The following UBAP2L variants were observed in gnomAD, a reference collection of about 807,000 sequenced individuals.
UBAP2L encodes ubiquitin associated protein 2 like, also known as ubiquitin-associated protein 2-like.
UBAP2L carries 12 observed loss-of-function variants against 130.6 expected under a neutral mutation model. The ratio of observed to expected loss-of-function variants is 0.09; its 90% confidence interval spans 0.06 to 0.15. UBAP2L has a LOEUF of 0.15. UBAP2L is among the 10% of genes least tolerant of loss of function. UBAP2L has a pLI of 1.00. For synonymous variants in UBAP2L, 503 were observed against 524.7 expected (o/e 0.96, Z 0.57); for missense variants, 965 against 1,332.5 (o/e 0.72, Z 4.29).
intron 8 of UBAP2L, among the ~76,000 whole-genome samples, chr1:154,237,740 G>A (rs1672142192): frequency 6.6e-6 from 1 of 152,168 alleles, no homozygotes; most frequent in African/African-American, 2.4e-5. Context: ...CTGTTGAACA[G>A]CCTTCTTGGT....
At chr1:154,247,747 A>G (rs1038248013) in intron 11 of UBAP2L, among the ~76,000 whole-genome samples, 1 of 151,560 alleles carries the variant, frequency 6.6e-6, no homozygotes, top group African/African-American at 2.4e-5. Flanking sequence ...AATTTTTTTT[A>G]AATAAAAATG....
intron 2 of UBAP2L, 85 bp from the exon 3 acceptor site, chr1:154,227,197 G>A: frequency 8.8e-7 from 1 of 1,130,548 alleles, no homozygotes; most frequent in Non-Finnish European, 1.3e-6. Flanking sequence ...AGAAAATTGG[G>A]GCAGTGGAGG....
intron 14 of UBAP2L, among the ~76,000 whole-genome samples, chr1:154,253,623 C>T (rs560952297): frequency 1.3e-5 from 2 of 150,904 alleles, no homozygotes; most frequent in Admixed American, 6.6e-5. Context: ...CCGCCCGCCT[C>T]GACCTTCCAA....
intron 7 of UBAP2L, 88 bp from the exon 8 acceptor site, chr1:154,236,936 A>G: frequency 1.0e-6 from 1 of 980,572 alleles, no homozygotes; most frequent in Non-Finnish European, 1.6e-6. Flanking sequence ...TTGTACTAGG[A>G]AGGATGCAGT....
At position 154,227,369 on chromosome 1, in the gene UBAP2L, TCA is replaced by T; in HGVS notation, c.168+12_168+13del. ...GGAGAAGGTGAAACAAGTGAGTGTA[TCA>T]CTAATTTACTGTACACTATGAGAAA... On this transcript the variant is annotated intron_variant, in intron 3 of 26. Transcript: ENST00000428931. The T allele has an allele frequency of 6.2e-7, 1 of 1,607,512 alleles. No homozygotes were observed. The highest frequency in any genetic ancestry group is 8.5e-7 in the Non-Finnish European group (1 of 1,174,368).
chr1:154,249,586 A>C, intron 12 of UBAP2L, 149 bp downstream of exon 12: 2 of 882,180 alleles, frequency 2.3e-6, no homozygotes, highest in Non-Finnish European at 3.4e-6. Flanking sequence ...CCCCTAATCA[A>C]ATAAGCTGAA....
chr1:154,261,817 A>T (rs371705974), intron 24 of UBAP2L, 120 bp downstream of exon 24: 2 of 935,770 alleles, frequency 2.1e-6, no homozygotes. Context: ...TGCCCCAGGT[A>T]TGATTGTTAA....
chr1:154,261,822 T>C (rs1681643420), intron 24 of UBAP2L, 125 bp downstream of exon 24: 2 of 905,276 alleles, frequency 2.2e-6, no homozygotes, highest in Admixed American at 2.4e-5. Flanking sequence ...CAGGTATGAT[T>C]GTTAATGCTT....
At chr1:154,242,524 G>A (rs111396339) in intron 9 of UBAP2L, among the ~76,000 whole-genome samples, 5 of 152,302 alleles carry the variant, frequency 3.3e-5, no homozygotes, top group African/African-American at 9.6e-5. Context: ...AAATGGTGTT[G>A]GGCATTGAGG....
rs186187502 is a variant in UBAP2L, at chr1:154,229,278, G to A, written c.279+553G>A. On this transcript the variant is annotated intron_variant, in intron 4 of 26. Transcript: ENST00000428931. ...CTGACCATCCCTGGAGATGATAGGG[G>A]ATATCTTGGAGGATCTCTTGCCCTG... 5.2e-3 allele frequency among the ~76,000 whole-genome samples: 785 copies of A among 152,128 alleles called. 4 individuals carry two copies. The highest frequency in any genetic ancestry group is 7.6e-3 in the Non-Finnish European group (517 of 68,006).
intron 8 of UBAP2L, among the ~76,000 whole-genome samples, chr1:154,238,866 G>C (rs1282605469): frequency 6.6e-6 from 1 of 151,264 alleles, no homozygotes; most frequent in African/African-American, 2.4e-5. Flanking sequence ...TCAGCCTCCT[G>C]AGTAGCTGGG....
intron 8 of UBAP2L, among the ~76,000 whole-genome samples, chr1:154,237,525 G>T (rs1273412210): frequency 2.6e-5 from 4 of 152,190 alleles, no homozygotes; most frequent in Non-Finnish European, 5.9e-5. Context: ...GTTTATGTTA[G>T]GGTAGTGTTG....
intron 22 of UBAP2L, 104 bp from the exon 23 acceptor site, chr1:154,260,788 A>T: frequency 9.0e-7 from 1 of 1,107,418 alleles, no homozygotes; most frequent in Non-Finnish European, 1.3e-6. Flanking sequence ...GAACTTTAAT[A>T]GTCTTTGAAC....
Position 154,257,397 on chromosome 1 carries a change from C to T in UBAP2L, c.2405C>T (p.Pro802Leu), listed in dbSNP as rs867966541. 1 of 1,613,200 alleles carries T rather than the reference C, an allele frequency of 6.2e-7. No homozygotes were observed. Among genetic ancestry groups the T allele is most frequent in the Non-Finnish European group, 8.5e-7 (1 of 1,180,032 alleles). ...GGGGTCCCGCCGTTGTTGCCTAATC[C>T]GTATATTATGGCTCCAGGGCTGTTA... The part of the protein sequence containing the change: ...PPGVPPLLPN[P>L]YIMAPGLLHA... The change falls in exon 20 of 27, where the codon CCG becomes CTG. Residue 802 changes from proline (P) to leucine (L), a missense_variant. Coordinates refer to ENST00000428931, the MANE Select transcript of UBAP2L (RefSeq NM_014847.4).
At position 154,246,177 on chromosome 1, in the gene UBAP2L, AT is replaced by A; in HGVS notation, c.843-26del. On this transcript the variant is annotated intron_variant, in intron 10 of 26. Coordinates refer to ENST00000428931, the MANE Select transcript of UBAP2L (RefSeq NM_014847.4). ...ATGTTAGCGTGTTCAGTCATTCTTC[AT>A]GAAGATCCCTTCCCTTCCCCATTAG... 7 of 1,585,348 alleles carry A rather than the reference AT, an allele frequency of 4.4e-6. No individual in the cohort carries two copies. The South Asian group carries it at 5.6e-5, about 13-fold the overall frequency.
chr1:154,254,277 GAGCC>G lies in UBAP2L; in HGVS notation c.1854+191_1854+194del, dbSNP rs1678870997. Reference sequence around the variant, plus strand: ...CTTATCAGCAAACCCGGAGACTGAAGAGCCAGGAAACCATTCTCTTTGTACTAAA... The same window carrying G: ...CTTATCAGCAAACCCGGAGACTGAAGAGGAAACCATTCTCTTTGTACTAAA... On this transcript the variant is annotated intron_variant, in intron 15 of 26. Transcript: ENST00000428931. 3.9e-5 allele frequency among the ~76,000 whole-genome samples: 6 copies of G among 152,232 alleles called. 1 individual carries two copies. The South Asian group carries it at 1.2e-3, about 31-fold the overall frequency.
intron 24 of UBAP2L, among the ~76,000 whole-genome samples, chr1:154,264,031 G>A (rs2149057769): frequency 6.6e-6 from 1 of 152,272 alleles, no homozygotes; most frequent in South Asian, 2.1e-4. Flanking sequence ...TTCAGAGATC[G>A]TGGATTACCA....
At chr1:154,231,771 G>T (rs955958153) in intron 4 of UBAP2L, among the ~76,000 whole-genome samples, 2 of 152,086 alleles carry the variant, frequency 1.3e-5, no homozygotes, top group Non-Finnish European at 2.9e-5. Context: ...ATATTCCGTT[G>T]TACATATATG....
chr1:154,266,661 C>G (rs757063759), intron 25 of UBAP2L, 93 bp downstream of exon 25: 1 of 1,338,662 alleles, frequency 7.5e-7, no homozygotes, highest in Non-Finnish European at 1.1e-6. Flanking sequence ...AAGAAGAACC[C>G]TAGGAGAGGT....
Sources: allele counts gnomAD v4.1 joint callset (sites outside exome capture counted in the v4.1 genomes callset), GRCh38; gene constraint gnomAD v4.1.1; transcripts MANE v1.5; gene names NCBI Gene and HGNC (gene_info 2026-07-23, HGNC 2026-07-21).